The following GABBR2 variants were observed in gnomAD, a reference collection of about 807,000 sequenced individuals.
GABBR2 encodes the protein gamma-aminobutyric acid type B receptor subunit 2.
GABBR2 carries 23 observed loss-of-function variants against 105.6 expected under a neutral mutation model. The ratio of observed to expected loss-of-function variants is 0.22; its 90% CI spans 0.16 to 0.31. GABBR2 has a LOEUF of 0.31. Among genes scored for constraint, GABBR2 ranks in the 10% least tolerant of loss-of-function variants. The pLI is 1.00. For missense variants in GABBR2, 734 were observed against 1,245.5 expected, an observed-to-expected ratio of 0.59 and a Z score of 6.18; for synonymous variants, 478 against 499.7, an observed-to-expected ratio of 0.96 and a Z score of 0.58.
At chr9:98,673,432 A>C (rs1293915216) in intron 1 of GABBR2, among the ~76,000 whole-genome samples, 3 of 152,214 alleles carry the variant, frequency 2.0e-5, no homozygotes, top group Non-Finnish European at 4.4e-5. Flanking sequence ...TCAATAAAAG[A>C]CTGAATTAAA....
chr9:98,366,230 T>C (rs1030669514), intron 12 of GABBR2, among the ~76,000 whole-genome samples: 3 of 152,210 alleles, frequency 2.0e-5, no homozygotes, highest in African/African-American at 7.2e-5. Context: ...CGATTTTTAC[T>C]AAATGTGACT....
At chr9:98,623,786 A>G (rs1361972429) in intron 1 of GABBR2, among the ~76,000 whole-genome samples, 1 of 152,210 alleles carries the variant, frequency 6.6e-6, no homozygotes, top group Non-Finnish European at 1.5e-5. Flanking sequence ...ATAATCCAGG[A>G]TAGTCTCCCA....
intron 7 of GABBR2, among the ~76,000 whole-genome samples, chr9:98,420,458 AAG>A (rs1413057936): frequency 1.4e-5 from 2 of 143,124 alleles, no homozygotes; most frequent in African/African-American, 5.2e-5. Flanking sequence ...GGTTCATGCA[AAG>A]AGTGTGTGGC....
intron 1 of GABBR2, among the ~76,000 whole-genome samples, chr9:98,631,527 G>C (rs1829816176): frequency 6.6e-6 from 1 of 152,180 alleles, no homozygotes; most frequent in Non-Finnish European, 1.5e-5. Flanking sequence ...CTTACATTCT[G>C]AAAGATTTTA....
At chr9:98,604,249 G>A (rs1829380749) in intron 1 of GABBR2, among the ~76,000 whole-genome samples, 1 of 152,284 alleles carries the variant, frequency 6.6e-6, no homozygotes, top group South Asian at 2.1e-4. Flanking sequence ...TTCCTGCCAA[G>A]GAGCTTTGCT....
intron 1 of GABBR2, among the ~76,000 whole-genome samples, chr9:98,666,003 GTGTT>G (rs1443645325): frequency 4.6e-5 from 7 of 152,250 alleles, no homozygotes; most frequent in African/African-American, 1.4e-4. Flanking sequence ...GGTTTACAGA[GTGTT>G]TGATCCACTA....
At chr9:98,682,439 G>T (rs1221714440) in intron 1 of GABBR2, among the ~76,000 whole-genome samples, 1 of 121,936 alleles carries the variant, frequency 8.2e-6, no homozygotes, top group Non-Finnish European at 1.6e-5. Context: ...ACAGTGGCAT[G>T]ATCACAGCTC....
intron 1 of GABBR2, among the ~76,000 whole-genome samples, chr9:98,617,004 C>A (rs1829595942): frequency 6.6e-6 from 1 of 152,186 alleles, no homozygotes; most frequent in African/African-American, 2.4e-5. Context: ...TATCTACATT[C>A]CAGGCTTCCC....
At chr9:98,510,527 T>C (rs1220524448) in intron 3 of GABBR2, among the ~76,000 whole-genome samples, 1 of 151,976 alleles carries the variant, frequency 6.6e-6, no homozygotes, top group Non-Finnish European at 1.5e-5. Context: ...AGGAAACCCA[T>C]CTCATGTGCA....
At chr9:98,458,134 A>T (rs1826358790) in intron 6 of GABBR2, among the ~76,000 whole-genome samples, 1 of 152,200 alleles carries the variant, frequency 6.6e-6, no homozygotes, top group South Asian at 2.1e-4. Flanking sequence ...CTACAATGTG[A>T]CTAAACCTTA....
chr9:98,467,445 G>A (rs1826582713), intron 6 of GABBR2, among the ~76,000 whole-genome samples: 1 of 152,024 alleles, frequency 6.6e-6, no homozygotes, highest in African/African-American at 2.4e-5. Context: ...AATGGGAGTA[G>A]CAAGGAATGG....
intron 2 of GABBR2, among the ~76,000 whole-genome samples, chr9:98,569,145 G>T (rs1828790384): frequency 6.6e-6 from 1 of 152,152 alleles, no homozygotes; most frequent in Non-Finnish European, 1.5e-5. Context: ...CTTTCTTAGA[G>T]AGCAGCAGCA....
Position 98,708,444 on chromosome 9 carries a change from G to A in GABBR2, c.294C>T (p.Phe98=), listed in dbSNP as rs758978692. The A allele has an allele frequency of 1.3e-6, 2 of 1,550,568 alleles. No individual in the cohort carries two copies. The highest frequency in any genetic ancestry group is 1.4e-5 in the African/African-American group (1 of 73,150). ...CCGTGTCATAGAGCCGCAGGTCGAG[G>A]AAGTAGGGGCGCAGGAGTGACTCGT... ...IRNESLLRPY[F]LDLRLYDTEC... The change falls in exon 1 of 19, where the codon TTC becomes TTT. Residue 98 remains phenylalanine, a synonymous_variant. Transcript: ENST00000259455.
Position 98,453,986 on chromosome 9 carries a change from C to T in GABBR2, c.1231G>A (p.Val411Ile). 6.2e-7 allele frequency: 1 copy of T among 1,610,484 alleles called. No homozygotes were observed. The highest frequency in any genetic ancestry group is 8.5e-7 in the Non-Finnish European group (1 of 1,176,616). The part of the protein sequence containing the change: ...NAMNETNFFG[V>I]TGQVVFRNGE... Reference sequence around the variant, plus strand: ...CCCAGAGGCATGGGACTGACCGTGACCCCGAAGAAGTTGGTCTCGTTCATG... The same window carrying T: ...CCCAGAGGCATGGGACTGACCGTGATCCCGAAGAAGTTGGTCTCGTTCATG... Residue 411 changes from valine (V) to isoleucine (I), a missense_variant, in exon 7 of 19, where the codon GTC becomes ATC. Val to Ile is a conservative substitution (Grantham distance 29). This residue lies in a region of GABBR2 where 370 missense variants were observed against 648.9 expected (regional missense o/e 0.57). Transcript: ENST00000259455.
At chr9:98,529,232 T>C (rs1828018925) in intron 3 of GABBR2, among the ~76,000 whole-genome samples, 1 of 151,980 alleles carries the variant, frequency 6.6e-6, no homozygotes, top group South Asian at 2.1e-4. Flanking sequence ...GCAGAATTGT[T>C]GGAATATAGG....
chr9:98,451,547 GTC>G (rs35307370), intron 7 of GABBR2, among the ~76,000 whole-genome samples: 34,515 of 151,956 alleles, frequency 0.23, 4,898 homozygotes, highest in Middle Eastern at 0.33. Context: ...CCCAGCAGTG[GTC>G]TCAAACCCTG....
intron 2 of GABBR2, among the ~76,000 whole-genome samples, chr9:98,574,300 T>C (rs1024895282): frequency 6.6e-6 from 1 of 152,276 alleles, no homozygotes. Flanking sequence ...GAACTTATAG[T>C]ATGCAATTTC....
At chr9:98,648,686 A>G (rs2131843910) in intron 1 of GABBR2, among the ~76,000 whole-genome samples, 1 of 152,258 alleles carries the variant, frequency 6.6e-6, no homozygotes, top group Admixed American at 6.5e-5. Context: ...ATCATAATCA[A>G]TTGAATAGCT....
intron 4 of GABBR2, among the ~76,000 whole-genome samples, chr9:98,482,809 G>A (rs758986554): frequency 2.0e-5 from 3 of 151,912 alleles, no homozygotes; most frequent in Non-Finnish European, 4.4e-5. Context: ...AAACTCACCC[G>A]GTGGCTTCCA....
Sources: gnomAD v4.1 joint callset for allele counts (sites outside exome capture counted in the v4.1 genomes callset) on GRCh38, gnomAD v4.1.1 for gene constraint, gnomAD v4.1.1 regional missense constraint, MANE v1.5 for transcripts, NCBI Gene and HGNC (gene_info 2026-07-23, HGNC 2026-07-21) for gene names.